FHIT: variants seen among roughly 807,000 people sequenced by gnomAD.
FHIT encodes the protein fragile histidine triad diadenosine triphosphatase.
In FHIT, 19 loss-of-function variants were observed where a neutral mutation model predicts 17.9. That is an observed-to-expected ratio of 1.06 (90% confidence interval 0.74 to 1.56). The LOEUF (loss-of-function observed/expected upper bound fraction) is 1.56, where lower values mean the gene tolerates loss of function less well. Among genes scored for constraint, FHIT ranks in the 40% most tolerant of loss-of-function variants. The pLI, the probability that FHIT is intolerant of heterozygous loss-of-function variation, is 0.00. For missense variants in FHIT, 248 were observed against 189.2 expected, an observed-to-expected ratio of 1.31 and a Z score of -1.82; for synonymous variants, 81 against 69.7, an observed-to-expected ratio of 1.16 and a Z score of -0.81.
intron 3 of FHIT, among the ~76,000 whole-genome samples, chr3:61,036,689 G>C (rs1249935380): frequency 6.6e-6 from 1 of 152,106 alleles, no homozygotes; most frequent in Non-Finnish European, 1.5e-5. Context: ...ATTATGTTGG[G>C]GAAGTTTGAG....
Position 59,774,045 on chromosome 3 carries a change from A to G in FHIT, c.349-21724T>C, listed in dbSNP as rs374661794. ...TATCTGTTTTTTTAATATGGCTACTATAAAACTGATAGTCACATGTGTGGT... is the reference window on the plus strand; with the variant it reads ...TATCTGTTTTTTTAATATGGCTACTGTAAAACTGATAGTCACATGTGTGGT... On this transcript the variant is annotated intron_variant, in intron 8 of 9. Transcript: ENST00000492590. Among the ~76,000 whole-genome samples, 35 of 152,364 alleles carry G rather than the reference A, an allele frequency of 2.3e-4. No individual in the cohort carries two copies. The East Asian group carries it at 6.2e-3, about 27-fold the overall frequency.
chr3:60,651,492 G>C (rs2039989322), intron 4 of FHIT, among the ~76,000 whole-genome samples: 1 of 151,600 alleles, frequency 6.6e-6, no homozygotes. Flanking sequence ...TTGAGGTCTT[G>C]GCCCATTTAT....
In FHIT at chr3:61,037,948, G is replaced by A. The variant is rs578117996; in HGVS notation, c.-111+4099C>T. 2.0e-5 allele frequency among the ~76,000 whole-genome samples: 3 copies of A among 152,292 alleles called. No homozygotes were observed. In the South Asian group the frequency reaches 6.2e-4, roughly 32 times the overall value. On this transcript the variant is annotated intron_variant, in intron 3 of 9. Transcript: ENST00000492590. The stretch of plus-strand genomic sequence containing the variant: ...ATTGCGTAGGACAAATCTAAGTCAA[G>A]GAAAAGAAGTGCGCTCCAAACAGTC...
rs573503582 is a variant in FHIT, at chr3:60,102,248, G to A, written c.104-88096C>T. ...ACTACGCTCAGTATAGATTGAGGCT[G>A]AGGGCCGCCAATGTTGGCAGCAGCA... On this transcript the variant is annotated intron_variant, in intron 5 of 9. Transcript: ENST00000492590. Among the ~76,000 whole-genome samples the A allele has an allele frequency of 1.6e-4, 25 of 152,326 alleles. No individual in the cohort carries two copies. In the South Asian group the frequency reaches 3.7e-3, roughly 23 times the overall value.
chr3:60,421,670 C>A (rs1459422836), intron 5 of FHIT, among the ~76,000 whole-genome samples: 2 of 151,338 alleles, frequency 1.3e-5, no homozygotes, highest in Admixed American at 1.3e-4. Flanking sequence ...ATCTCAGTAC[C>A]ACCCAGAAAA....
intron 5 of FHIT, among the ~76,000 whole-genome samples, chr3:60,170,203 T>C (rs376908089): frequency 2.6e-4 from 40 of 152,260 alleles, no homozygotes; most frequent in African/African-American, 7.7e-4. Context: ...GTTAATAAGA[T>C]GGATGGAGGT....
intron 5 of FHIT, among the ~76,000 whole-genome samples, chr3:60,058,347 T>A (rs188597767): frequency 6.6e-6 from 1 of 151,992 alleles, no homozygotes; most frequent in Non-Finnish European, 1.5e-5. Flanking sequence ...GGCAGGATGG[T>A]CTGGATCTCT....
chr3:60,433,233 T>A (rs2029888553), intron 5 of FHIT, among the ~76,000 whole-genome samples: 1 of 152,092 alleles, frequency 6.6e-6, no homozygotes, highest in Non-Finnish European at 1.5e-5. Context: ...CTACATTATC[T>A]CCTATGACAA....
At chr3:60,631,096 A>G (rs1553682330) in intron 4 of FHIT, among the ~76,000 whole-genome samples, 1 of 152,104 alleles carries the variant, frequency 6.6e-6, no homozygotes, top group Non-Finnish European at 1.5e-5. Context: ...CACAGGGGAC[A>G]ACAGATAAAA....
At chr3:60,698,961 C>T (rs781885984) in intron 4 of FHIT, among the ~76,000 whole-genome samples, 19 of 152,102 alleles carry the variant, frequency 1.2e-4, no homozygotes, top group African/African-American at 3.4e-4. Context: ...AATACATAAG[C>T]GTATCACAAA....
intron 5 of FHIT, among the ~76,000 whole-genome samples, chr3:60,104,472 G>C (rs554288000): frequency 9.0e-6 from 1 of 110,668 alleles, no homozygotes; most frequent in Non-Finnish European, 1.8e-5. Flanking sequence ...TGAAGAGAGA[G>C]TGAATTAAAC....
chr3:60,163,231 A>T (rs1341661198), intron 5 of FHIT, among the ~76,000 whole-genome samples: 1 of 152,148 alleles, frequency 6.6e-6, no homozygotes, highest in Non-Finnish European at 1.5e-5. Context: ...CAGAGCACAG[A>T]TTCAAGCCCA....
Position 61,214,778 on chromosome 3 carries a change from A to C in FHIT, c.-212-14113T>G, listed in dbSNP as rs529894914. Among the ~76,000 whole-genome samples the C allele has an allele frequency of 3.9e-5, 6 of 152,340 alleles. 1 individual carries two copies. Among genetic ancestry groups the C allele is most frequent in the South Asian group, 4.1e-4 (2 of 4,826 alleles). On this transcript the variant is annotated intron_variant, in intron 1 of 9. Coordinates refer to ENST00000492590, the MANE Select transcript of FHIT (RefSeq NM_002012.4). ...CCTCAATAAAATACTGGCAAACCGA[A>C]TCCAGCAGCACATCACAAAGCTTAT...
At chr3:60,559,722 C>T (rs1029399577) in intron 4 of FHIT, among the ~76,000 whole-genome samples, 1 of 150,084 alleles carries the variant, frequency 6.7e-6, no homozygotes, top group Admixed American at 6.6e-5. Context: ...TCCTGTTTAA[C>T]CTCCCAGCTC....
intron 2 of FHIT, among the ~76,000 whole-genome samples, chr3:61,178,750 T>C (rs933895289): frequency 1.3e-5 from 2 of 151,938 alleles, no homozygotes; most frequent in South Asian, 2.1e-4. Context: ...TATCTGAAAA[T>C]CTTACCATTT....
intron 8 of FHIT, among the ~76,000 whole-genome samples, chr3:59,791,639 T>G (rs1296715549): frequency 6.6e-6 from 1 of 152,176 alleles, no homozygotes; most frequent in Non-Finnish European, 1.5e-5. Flanking sequence ...GAGCATGTAC[T>G]CCATGAAATG....
At chr3:60,567,843 G>T (rs1402520687) in intron 4 of FHIT, among the ~76,000 whole-genome samples, 3 of 152,102 alleles carry the variant, frequency 2.0e-5, no homozygotes, top group Admixed American at 6.6e-5. Flanking sequence ...GCAGCCAAAA[G>T]ACACGTGAAA....
chr3:60,315,031 C>T (rs957852386), intron 5 of FHIT, among the ~76,000 whole-genome samples: 1 of 152,130 alleles, frequency 6.6e-6, no homozygotes, highest in African/African-American at 2.4e-5. Flanking sequence ...CTGAATTGCT[C>T]TAAGATAAGA....
At chr3:61,101,342 G>A (rs752053043) in intron 2 of FHIT, among the ~76,000 whole-genome samples, 15 of 152,054 alleles carry the variant, frequency 9.9e-5, no homozygotes, top group Non-Finnish European at 2.1e-4. Flanking sequence ...TCTTGATTTT[G>A]TCAGGTGTGT....
Sources: allele counts gnomAD v4.1 joint callset (sites outside exome capture counted in the v4.1 genomes callset), GRCh38; gene constraint gnomAD v4.1.1; transcripts MANE v1.5; gene names NCBI Gene and HGNC (gene_info 2026-07-23, HGNC 2026-07-21).